CDH18: variants seen among roughly 807,000 people sequenced by gnomAD.
CDH18 encodes the protein cadherin 18, also known as cadherin-18.
A neutral mutation model predicts 67.9 loss-of-function variants in CDH18; 31 were observed. The ratio of observed to expected loss-of-function variants is 0.46; its 90% CI spans 0.34 to 0.62. The LOEUF is 0.62. Among genes scored for constraint, CDH18 ranks in the 20% least tolerant of loss-of-function variants. The pLI is 0.01. For synonymous variants in CDH18, 362 were observed against 347.2 expected, an observed-to-expected ratio of 1.04 and a Z score of -0.48; for missense variants, 890 against 975.5, an observed-to-expected ratio of 0.91 and a Z score of 1.17.
At chr5:20,151,714 T>G (rs7726452) in intron 2 of CDH18, among the ~76,000 whole-genome samples, 1 of 152,086 alleles carries the variant, frequency 6.6e-6, no homozygotes, top group Non-Finnish European at 1.5e-5. Flanking sequence ...ATACTTCTTT[T>G]CCCAAAGCAT....
chr5:20,139,822 G>C (rs1253266238), intron 2 of CDH18, among the ~76,000 whole-genome samples: 1 of 152,128 alleles, frequency 6.6e-6, no homozygotes, highest in Non-Finnish European at 1.5e-5. Context: ...GAAACAACAG[G>C]TGCTGGAGAG....
intron 1 of CDH18, among the ~76,000 whole-genome samples, chr5:20,334,174 C>T (rs1739473772): frequency 7.2e-6 from 1 of 139,568 alleles, no homozygotes; most frequent in African/African-American, 2.8e-5. Context: ...TCGCTGTCGC[C>T]CAGGCTGGAG....
chr5:20,555,408 C>CTTTTTTTTTTTTTTTTTTTT lies in CDH18; in HGVS notation c.-580+20034_-580+20053dup, dbSNP rs774396694. On this transcript the variant is annotated intron_variant, in intron 1 of 14. Coordinates refer to the CDH18 transcript ENST00000507958. ...GCCAGAACCACCAAGACAAGCTTTT[C>CTTTTTTTTTTTTTTTTTTTT]TTTTTTTTTTTTTTTTTTTTTTTTT... is the stretch of plus-strand genomic sequence containing the variant. Among the ~76,000 whole-genome samples the CTTTTTTTTTTTTTTTTTTTT allele has an allele frequency of 4.0e-4, 41 of 103,664 alleles. 2 individuals carry two copies. Among genetic ancestry groups the CTTTTTTTTTTTTTTTTTTTT allele is most frequent in the Middle Eastern group, 7.7e-3 (1 of 130 alleles). The allele number at this position is 103,664 out of a possible 152,430, so 68.0% of individuals were successfully genotyped here.
At chr5:20,528,786 A>G (rs1363362582) in intron 1 of CDH18, among the ~76,000 whole-genome samples, 1 of 152,086 alleles carries the variant, frequency 6.6e-6, no homozygotes, top group African/African-American at 2.4e-5. Flanking sequence ...CCACATGAAA[A>G]AGCTGGAAAG....
intron 1 of CDH18, among the ~76,000 whole-genome samples, chr5:20,261,251 T>C (rs1744625744): frequency 6.6e-6 from 1 of 152,184 alleles, no homozygotes; most frequent in Admixed American, 6.5e-5. Context: ...CCATATATTC[T>C]TAAATTGTAC....
intron 1 of CDH18, among the ~76,000 whole-genome samples, chr5:20,373,361 C>A (rs1384718827): frequency 6.6e-6 from 1 of 152,042 alleles, no homozygotes; most frequent in Non-Finnish European, 1.5e-5. Flanking sequence ...CATTCTGTTC[C>A]CTCAGTTTGG....
At position 19,473,192 on chromosome 5, in the gene CDH18, A is replaced by G; in HGVS notation, c.*34T>C. 1 of 1,597,984 alleles carries G rather than the reference A, an allele frequency of 6.3e-7. No homozygotes were observed. Among genetic ancestry groups the G allele is most frequent in the Non-Finnish European group, 8.5e-7 (1 of 1,170,728 alleles). ...GAGGTTGTATATCCACTTACTCAGGAAGCAAATTCCACAAGGTTGCAAGAA... is the reference window on the plus strand; with the variant it reads ...GAGGTTGTATATCCACTTACTCAGGGAGCAAATTCCACAAGGTTGCAAGAA... On this transcript the variant is annotated 3_prime_UTR_variant, in exon 13 of 13. Coordinates refer to ENST00000382275, the MANE Select transcript of CDH18 (RefSeq NM_004934.5).
intron 6 of CDH18, among the ~76,000 whole-genome samples, chr5:19,602,107 G>T (rs1747235761): frequency 6.6e-6 from 1 of 151,910 alleles, no homozygotes; most frequent in Non-Finnish European, 1.5e-5. Flanking sequence ...AGAGTAATAA[G>T]GCAAGAAAAA....
At chr5:19,857,514 C>A (rs1498099) in intron 2 of CDH18, among the ~76,000 whole-genome samples, 43,896 of 151,966 alleles carry the variant, frequency 0.29, 7,717 homozygotes, top group South Asian at 0.39. Context: ...ACAGACATAA[C>A]ACAGACATAC....
intron 2 of CDH18, among the ~76,000 whole-genome samples, chr5:20,160,892 C>T (rs1561839722): frequency 6.6e-6 from 1 of 152,084 alleles, no homozygotes; most frequent in Non-Finnish European, 1.5e-5. Context: ...GAATGGTGTT[C>T]GTATTTTTAA....
At chr5:20,369,834 G>A (rs1742829693) in intron 1 of CDH18, among the ~76,000 whole-genome samples, 1 of 152,130 alleles carries the variant, frequency 6.6e-6, no homozygotes, top group African/African-American at 2.4e-5. Context: ...TAAAAATGAA[G>A]TAACTTTTTA....
At chr5:19,488,611 C>G (rs1740783060) in intron 11 of CDH18, among the ~76,000 whole-genome samples, 1 of 152,118 alleles carries the variant, frequency 6.6e-6, no homozygotes, top group Non-Finnish European at 1.5e-5. Flanking sequence ...TAACCATTAT[C>G]AGAGTGCATG....
intron 1 of CDH18, among the ~76,000 whole-genome samples, chr5:20,469,257 C>T (rs1401684132): frequency 1.3e-5 from 2 of 152,078 alleles, no homozygotes; most frequent in Non-Finnish European, 2.9e-5. Context: ...ACTACTGCTC[C>T]GGAATGTTTT....
intron 2 of CDH18, among the ~76,000 whole-genome samples, chr5:19,929,072 A>C (rs1793402467): frequency 6.6e-6 from 1 of 152,088 alleles, no homozygotes; most frequent in African/African-American, 2.4e-5. Context: ...CTGTAAACAA[A>C]ATTTTCTAAC....
At position 19,779,608 on chromosome 5, in the gene CDH18, GA is replaced by G. The variant is rs374169053; in HGVS notation, c.229-32373del. ...AAAAGAAACAGGGACAAAGTGGAAG[GA>G]ATTCAGAATTCGCCACAGTTTTTTT... is the stretch of plus-strand genomic sequence containing the variant. On this transcript the variant is annotated intron_variant, in intron 3 of 12. Coordinates refer to ENST00000382275, the MANE Select transcript of CDH18 (RefSeq NM_004934.5). Among the ~76,000 whole-genome samples, 699 of 152,222 alleles carry G rather than the reference GA, an allele frequency of 4.6e-3. 6 individuals carry two copies. The highest frequency in any genetic ancestry group is 0.016 in the African/African-American group (677 of 41,542).
intron 1 of CDH18, among the ~76,000 whole-genome samples, chr5:20,316,373 G>A (rs1029948736): frequency 6.6e-6 from 1 of 151,992 alleles, no homozygotes; most frequent in Admixed American, 6.6e-5. Context: ...ATATTTAAGT[G>A]ATTATAATAT....
intron 3 of CDH18, among the ~76,000 whole-genome samples, chr5:19,803,197 G>C (rs937086397): frequency 2.6e-5 from 4 of 152,192 alleles, no homozygotes; most frequent in African/African-American, 9.7e-5. Flanking sequence ...CCAAGATGAA[G>C]TGAGTCTGAC....
intron 2 of CDH18, among the ~76,000 whole-genome samples, chr5:20,036,124 TA>T (rs1207877246): frequency 6.6e-6 from 1 of 151,976 alleles, no homozygotes; most frequent in Non-Finnish European, 1.5e-5. Flanking sequence ...AAATGTGGAC[TA>T]AAAAAGTACA....
At chr5:20,190,631 G>A (rs2126715897) in intron 2 of CDH18, among the ~76,000 whole-genome samples, 1 of 152,030 alleles carries the variant, frequency 6.6e-6, no homozygotes. Flanking sequence ...CTAACTGGAG[G>A]TTTCCCAAAG....
Sources: gnomAD v4.1 joint callset for allele counts (sites outside exome capture counted in the v4.1 genomes callset) on GRCh38, gnomAD v4.1.1 for gene constraint, MANE v1.5 for transcripts, NCBI Gene and HGNC (gene_info 2026-07-23, HGNC 2026-07-21) for gene names.